The following ADORA2B variants were observed in gnomAD, a reference collection of about 807,000 sequenced individuals.
ADORA2B encodes the protein adenosine A2b receptor, also known as adenosine receptor A2b.
A neutral mutation model predicts 20.8 loss-of-function variants in ADORA2B; 18 were observed. The observed-to-expected ratio is 0.87, with a 90% confidence interval of 0.60 to 1.29. The LOEUF is 1.29. Ranked by LOEUF, ADORA2B falls within the 50% of genes most tolerant of loss-of-function variation. The pLI, the probability that ADORA2B is intolerant of heterozygous loss-of-function variation, is 0.00. For missense variants in ADORA2B, 441 were observed against 422.7 expected (o/e 1.04, Z -0.38); for synonymous variants, 179 against 178.3 (o/e 1.00, Z -0.03).
the ADORA2B span, among the ~76,000 whole-genome samples, chr17:15,889,541 T>A: frequency 1.5e-5 from 2 of 130,446 alleles, no homozygotes; most frequent in Admixed American, 1.5e-4. Flanking sequence ...TTTACAGGAA[T>A]GTCTGAAGAT....
chr17:15,877,170 T>TTA, the ADORA2B span, among the ~76,000 whole-genome samples: 3 of 152,216 alleles, frequency 2.0e-5, no homozygotes, highest in Non-Finnish European at 4.4e-5. Flanking sequence ...CCTCAGTTTT[T>TTA]TATAGCATCC....
the ADORA2B span, among the ~76,000 whole-genome samples, chr17:15,874,066 GTGTATA>G: frequency 5.7e-5 from 8 of 139,748 alleles, no homozygotes; most frequent in South Asian, 1.3e-3. Context: ...ATATGTGTGT[GTGTATA>G]TATATATATG....
At chr17:15,965,328 C>T (rs1970102397) in intron 1 of ADORA2B, among the ~76,000 whole-genome samples, 1 of 152,160 alleles carries the variant, frequency 6.6e-6, no homozygotes, top group Non-Finnish European at 1.5e-5. Context: ...TTTCTCTCAC[C>T]ATTTGCTTGC....
At chr17:15,948,054 T>C (rs1969832571) in intron 1 of ADORA2B, among the ~76,000 whole-genome samples, 1 of 152,088 alleles carries the variant, frequency 6.6e-6, no homozygotes, top group African/African-American at 2.4e-5. Flanking sequence ...AGGAGGTGTG[T>C]CCCCTTTGAA....
At chr17:15,890,852 G>C in the ADORA2B span, among the ~76,000 whole-genome samples, 1 of 152,206 alleles carries the variant, frequency 6.6e-6, no homozygotes, top group Non-Finnish European at 1.5e-5. Context: ...GAAGAGAGGG[G>C]ACCCAGGAGC....
At chr17:15,851,583 G>C in the ADORA2B span, among the ~76,000 whole-genome samples, 1 of 152,116 alleles carries the variant, frequency 6.6e-6, no homozygotes. Context: ...AGCTGCAGAA[G>C]GGCAGCTTTC....
rs878874119 is a variant in ADORA2B, at chr17:15,975,204, C to T, written c.861C>T (p.Pro287=). 1.9e-6 allele frequency: 3 copies of T among 1,614,122 alleles called. No homozygotes were observed. Among genetic ancestry groups the T allele is most frequent in the South Asian group, 2.2e-5 (2 of 91,086 alleles). The change falls in exon 2 of 2, where the codon CCC becomes CCT. Residue 287 remains proline (P), a synonymous_variant. Transcript: ENST00000304222. ...LLSHANSVVN[P]IVYAYRNRDF... ...CACATGCCAATTCAGTTGTCAATCC[C>T]ATTGTCTATGCTTACCGGAACCGAG...
At chr17:15,888,815 CATATATATATATATATAT>C in the ADORA2B span, among the ~76,000 whole-genome samples, 2 of 15,730 alleles carry the variant, frequency 1.3e-4, no homozygotes, top group Non-Finnish European at 1.9e-4. Context: ...TATGTGATGC[CATATATATATATATATAT>C]ATATATATAT....
the ADORA2B span, among the ~76,000 whole-genome samples, chr17:15,928,901 G>A: frequency 6.6e-6 from 1 of 152,114 alleles, no homozygotes; most frequent in Non-Finnish European, 1.5e-5. Flanking sequence ...AGCAGGGCTC[G>A]AGGGTGATGT....
chr17:15,942,742 T>C (rs1216674041), upstream of ADORA2B, among the ~76,000 whole-genome samples: 1 of 152,134 alleles, frequency 6.6e-6, no homozygotes, highest in African/African-American at 2.4e-5. Context: ...CCCCGCCCCG[T>C]CCTGTGACCT....
At chr17:15,900,073 G>A in the ADORA2B span, among the ~76,000 whole-genome samples, 57 of 152,058 alleles carry the variant, frequency 3.7e-4, no homozygotes, top group Non-Finnish European at 6.8e-4. Flanking sequence ...CTCGTGATCC[G>A]CTTGCCTCGG....
chr17:15,925,572 T>C, the ADORA2B span, among the ~76,000 whole-genome samples: 1 of 152,236 alleles, frequency 6.6e-6, no homozygotes, highest in Non-Finnish European at 1.5e-5. Context: ...TCCCTTCAAA[T>C]AGAGGTGAAG....
chr17:15,945,455 G>T lies in ADORA2B; in HGVS notation c.207G>T (p.Leu69=). ...FAIPFAITIS[L]GFCTDFYGCL... ...TCCCCTTTGCCATCACCATCAGCCT[G>T]GGCTTCTGCACTGACTTCTACGGCT... The change falls in exon 1 of 2, where the codon CTG becomes CTT. Residue 69 remains leucine (L), a synonymous_variant. Transcript: ENST00000304222. 6.2e-7 allele frequency: 1 copy of T among 1,613,640 alleles called. No homozygotes were observed. The highest frequency in any genetic ancestry group is 8.5e-7 in the Non-Finnish European group (1 of 1,179,972).
chr17:15,967,043 G>A (rs1473754546), intron 1 of ADORA2B, among the ~76,000 whole-genome samples: 1 of 152,190 alleles, frequency 6.6e-6, no homozygotes, highest in Admixed American at 6.5e-5. Context: ...AGCACAGGGA[G>A]GGAGGCAGAG....
chr17:15,916,562 C>G, the ADORA2B span, among the ~76,000 whole-genome samples: 1 of 152,074 alleles, frequency 6.6e-6, no homozygotes, highest in African/African-American at 2.4e-5. Context: ...GCTCCTGCGT[C>G]GGTAATTAGA....
chr17:15,860,035 C>T, the ADORA2B span, among the ~76,000 whole-genome samples: 1 of 152,144 alleles, frequency 6.6e-6, no homozygotes, highest in Admixed American at 6.5e-5. Context: ...CTGACCTAAT[C>T]GGTTATTTGC....
At chr17:15,882,555 G>A in the ADORA2B span, among the ~76,000 whole-genome samples, 2 of 152,052 alleles carry the variant, frequency 1.3e-5, no homozygotes, top group African/African-American at 4.8e-5. Flanking sequence ...CTACTGCCTC[G>A]GTGACAGAGT....
chr17:15,852,463 T>C, the ADORA2B span, among the ~76,000 whole-genome samples: 3 of 152,068 alleles, frequency 2.0e-5, no homozygotes, highest in African/African-American at 7.2e-5. Context: ...TATAGCCACA[T>C]TAAAAAAATA....
intron 1 of ADORA2B, among the ~76,000 whole-genome samples, chr17:15,945,916 C>T (rs925661188): frequency 2.0e-5 from 3 of 152,152 alleles, no homozygotes; most frequent in Admixed American, 2.0e-4. Flanking sequence ...CCCCCGTGGG[C>T]GGGTGGAGCC....
Sources: gnomAD v4.1 joint callset for allele counts (sites outside exome capture counted in the v4.1 genomes callset) on GRCh38, gnomAD v4.1.1 for gene constraint, MANE v1.5 for transcripts, NCBI Gene and HGNC (gene_info 2026-07-23, HGNC 2026-07-21) for gene names.